The following LAMA5 variants were observed in gnomAD, a reference collection of about 807,000 sequenced individuals.
LAMA5 encodes laminin subunit alpha-5.
A neutral mutation model predicts 433.4 loss-of-function variants in LAMA5; 260 were observed. The observed-to-expected ratio is 0.60, with a 90% CI of 0.54 to 0.66. The LOEUF (loss-of-function observed/expected upper bound fraction) is 0.66. Ranked by LOEUF, LAMA5 falls within the 30% of genes least tolerant of loss-of-function variation. The pLI, the probability that LAMA5 is intolerant of heterozygous loss-of-function variation, is 0.00. For missense variants in LAMA5, 5,378 were observed against 5,258.5 expected, an observed-to-expected ratio of 1.02 and a Z score of -0.70; for synonymous variants, 2,620 against 2,226.6, an observed-to-expected ratio of 1.18 and a Z score of -4.97.
Position 62,333,361 on chromosome 20 carries a change from C to G in LAMA5, c.3128+14G>C, listed in dbSNP as rs371939877. On this transcript the variant is annotated intron_variant, in intron 25 of 79. Transcript: ENST00000252999. ...AAGCCCCCACCCCGGTCCCACCGCACGCATGGCCCTCACTTGTCGCCAGAC... is the reference window on the plus strand; with the variant it reads ...AAGCCCCCACCCCGGTCCCACCGCAGGCATGGCCCTCACTTGTCGCCAGAC... 3 of 1,607,610 alleles carry G rather than the reference C, an allele frequency of 1.9e-6. No individual in the cohort carries two copies. The highest frequency in any genetic ancestry group is 2.5e-6 in the Non-Finnish European group (3 of 1,178,692).
chr20:62,334,948 C>T (rs977886818), intron 20 of LAMA5, 73 bp downstream of exon 20: 38 of 1,422,962 alleles, frequency 2.7e-5, no homozygotes, highest in Middle Eastern at 1.8e-4. Context: ...CTTGTCCCTC[C>T]GGGCCTTGGG....
chr20:62,364,513 G>C (rs1182954241), intron 1 of LAMA5, among the ~76,000 whole-genome samples: 1 of 152,240 alleles, frequency 6.6e-6, no homozygotes, highest in South Asian at 2.1e-4. Flanking sequence ...GCCACTCACT[G>C]AGCCACAGAG....
chr20:62,322,814 C>G, intron 45 of LAMA5, 56 bp from the exon 46 acceptor site: 1 of 1,149,570 alleles, frequency 8.7e-7, no homozygotes, highest in Non-Finnish European at 1.2e-6. Context: ...CCAGGGAGCC[C>G]CTAGGCACCC....
chr20:62,362,231 G>A (rs1986210072), intron 2 of LAMA5, among the ~76,000 whole-genome samples, 169 bp downstream of exon 2: 1 of 152,224 alleles, frequency 6.6e-6, no homozygotes, highest in African/African-American at 2.4e-5. Flanking sequence ...CCACTGCCGT[G>A]CCTTTGTCCC....
intron 31 of LAMA5, 151 bp downstream of exon 31, chr20:62,330,337 G>A (rs1437573406): frequency 6.0e-6 from 7 of 1,166,700 alleles, no homozygotes; most frequent in Non-Finnish European, 7.0e-6. Flanking sequence ...TAGGGGCTGC[G>A]GGCTGCAAGG....
Position 62,338,129 on chromosome 20 carries a change from C to A in LAMA5, c.1778G>T (p.Gly593Val). ...CTCATCGCAGCCCTCGGGCAAGGTT[C>A]CTGCAGGGCTGCAGCCACACACTGC... ...LCQLCGCSPAGTLPEGCDEAG... is the reference protein window; with the variant it reads ...LCQLCGCSPAVTLPEGCDEAG... The change falls in exon 14 of 80, where the codon GGA (glycine) becomes GTA (valine). Residue 593 changes from glycine to valine, a missense_variant. Gly to Val is a moderately radical substitution (Grantham distance 109). Coordinates refer to ENST00000252999, the MANE Select transcript of LAMA5 (RefSeq NM_005560.6). 3 of 1,590,226 alleles carry A rather than the reference C, an allele frequency of 1.9e-6. No homozygotes were observed. Among genetic ancestry groups the A allele is most frequent in the Admixed American group, 1.7e-5 (1 of 58,250 alleles).
rs747134895 is a variant in LAMA5 at position 62,325,340 on chromosome 20, G to A, written c.5505C>T (p.Ala1835=). Residue 1835 remains alanine (A), a synonymous_variant, in exon 41 of 80, where the codon GCC becomes GCT. Coordinates refer to ENST00000252999, the MANE Select transcript of LAMA5 (RefSeq NM_005560.6). ...CCTGGCATGAGTCCCCCCGGTAGCT[G>A]GCGGGGCACAGGCACAGCTCCACAT... ...ASNVELCLCP[A]SYRGDSCQEC... is the part of the protein sequence containing the mutation. 2.5e-6 allele frequency: 4 copies of A among 1,595,060 alleles called. No individual in the cohort carries two copies. The Admixed American group carries it at 6.8e-5, about 27-fold the overall frequency.
Position 62,314,328 on chromosome 20 carries a change from T to C in LAMA5, c.8480A>G (p.Gln2827Arg), listed in dbSNP as rs1168649947. 3 of 1,613,142 alleles carry C rather than the reference T, an allele frequency of 1.9e-6. No homozygotes were observed. Among genetic ancestry groups the C allele is most frequent in the Admixed American group, 1.7e-5 (1 of 59,978 alleles). Residue 2827 changes from glutamine to arginine, a missense_variant, in exon 62 of 80, where the codon CAG (glutamine) becomes CGG (arginine). By Grantham distance (43) the Gln-to-Arg change is conservative. Coordinates refer to ENST00000252999, the MANE Select transcript of LAMA5 (RefSeq NM_005560.6). ...CCTGTCCAGGCTGACAGCTGCGAACTGCTCCCCAATGTCCTCATCGATGCT... is the reference window on the plus strand; with the variant it reads ...CCTGTCCAGGCTGACAGCTGCGAACCGCTCCCCAATGTCCTCATCGATGCT... ...VLSIDEDIGE[Q>R]FAAVSLDRTL...
rs769745384 is a variant in LAMA5 at position 62,327,625 on chromosome 20, G to A, written c.4842C>T (p.Thr1614=). ...TGGGGTTGGCAGCATCCAGTGAGAA[G>A]GTCCCAAGGCTGCACTGGTCACATT... is the stretch of plus-strand genomic sequence containing the variant. ...GPKCDQCSLG[T]FSLDAANPKG... is the part of the protein sequence containing the mutation. Residue 1614 remains threonine (T), a synonymous_variant, in exon 37 of 80, where the codon ACC becomes ACT. Coordinates refer to ENST00000252999, the MANE Select transcript of LAMA5 (RefSeq NM_005560.6). The A allele has an allele frequency of 2.2e-5, 36 of 1,613,050 alleles. No individual in the cohort carries two copies. Among genetic ancestry groups the A allele is most frequent in the Non-Finnish European group, 3.0e-5 (35 of 1,180,014 alleles).
rs1471381193 is a variant in LAMA5, at chr20:62,328,463, G to C, written c.4448-18C>G. 4 of 1,473,002 alleles carry C rather than the reference G, an allele frequency of 2.7e-6. No homozygotes were observed. In the Admixed American group the frequency reaches 7.3e-5, roughly 27 times the overall value. The allele number at this position is 1,473,002 out of a possible 1,614,324, so 91.2% of individuals were successfully genotyped here. A position where few individuals can be genotyped will look rare whatever the true frequency, so the allele number is the denominator to read the frequency against. On this transcript the variant is annotated intron_variant, in intron 34 of 79. Coordinates refer to ENST00000252999, the MANE Select transcript of LAMA5 (RefSeq NM_005560.6). The stretch of plus-strand genomic sequence containing the variant: ...GTCACAGGCTGTGGGGCGGGTACAG[G>C]GTTTACTGACCCCTCTTCCCAGTCC...
rs147597720 is a variant in LAMA5 at position 62,326,707 on chromosome 20, G to A, written c.5268C>T (p.His1756=). The A allele has an allele frequency of 2.4e-4, 389 of 1,612,824 alleles. 1 individual carries two copies. Among genetic ancestry groups the A allele is most frequent in the South Asian group, 3.5e-4 (32 of 91,080 alleles). Residue 1756 remains histidine, a synonymous_variant, in exon 40 of 80, where the codon CAC becomes CAT. Coordinates refer to ENST00000252999, the MANE Select transcript of LAMA5 (RefSeq NM_005560.6). ...FLEPAYPTPG[H]VHRGQLQLVE... is the part of the protein sequence containing the mutation. ...CCAGCTGCAGCTGCCCACGGTGAAC[G>A]TGGCCAGGCGTGGGGTATGCCGGCT...
intron 28 of LAMA5, among the ~76,000 whole-genome samples, 188 bp downstream of exon 28, chr20:62,332,184 C>T (rs981397913): frequency 3.9e-5 from 6 of 152,142 alleles, no homozygotes; most frequent in Admixed American, 2.6e-4. Context: ...CTCGGGGGTA[C>T]GTCAAAAGGG....
At chr20:62,354,835 T>G (rs1015536206) in intron 2 of LAMA5, among the ~76,000 whole-genome samples, 1 of 151,868 alleles carries the variant, frequency 6.6e-6, no homozygotes, top group African/African-American at 2.4e-5. Flanking sequence ...CAAGGGAGGG[T>G]GAGCCCCTCC....
intron 31 of LAMA5, among the ~76,000 whole-genome samples, chr20:62,330,279 C>T (rs908719917): frequency 9.9e-5 from 15 of 152,250 alleles, no homozygotes; most frequent in African/African-American, 2.4e-4. Flanking sequence ...TCCCAACGCA[C>T]GAGACAGAGG....
chr20:62,332,845 T>C (rs1285809136), intron 26 of LAMA5, 128 bp from the exon 27 acceptor site: 1 of 1,225,046 alleles, frequency 8.2e-7, no homozygotes, highest in African/African-American at 1.6e-5. Flanking sequence ...GGCCCGGACA[T>C]CTCCAGGCAA....
chr20:62,324,073 G>A lies in LAMA5; in HGVS notation c.5768+7C>T, dbSNP rs757494432. 1 of 1,505,234 alleles carries A rather than the reference G, an allele frequency of 6.6e-7. No individual in the cohort carries two copies. The highest frequency in any genetic ancestry group is 8.9e-7 in the Non-Finnish European group (1 of 1,129,788). The allele number at this position is 1,505,234 out of a possible 1,614,324, so 93.2% of individuals were successfully genotyped here. On this transcript the variant is annotated splice_region_variant and intron_variant, in intron 43 of 79. Transcript: ENST00000252999. The surrounding 1 kb of genome is among the most constrained non-coding windows in gnomAD (Gnocchi z 4.4). ...CAGGGCCTCGTCCCGGGAGGAGGCTGGCTTACTTGTTGGAAGGCACTGAGA... is the reference window on the plus strand; with the variant it reads ...CAGGGCCTCGTCCCGGGAGGAGGCTAGCTTACTTGTTGGAAGGCACTGAGA...
At position 62,314,451 on chromosome 20, in the gene LAMA5, G is replaced by A. The variant is rs1568899447; in HGVS notation, c.8368-11C>T. ...GTAGTCCCCAGTGGCCTGCGGCAGT[G>A]ACAGACACACAGTCGGGATGGGGAC... On this transcript the variant is annotated splice_polypyrimidine_tract_variant and intron_variant, in intron 61 of 79. Coordinates refer to ENST00000252999, the MANE Select transcript of LAMA5 (RefSeq NM_005560.6). 1 of 1,613,056 alleles carries A rather than the reference G, an allele frequency of 6.2e-7. No homozygotes were observed. Among genetic ancestry groups the A allele is most frequent in the South Asian group, 1.1e-5 (1 of 91,074 alleles).
intron 55 of LAMA5, 109 bp from the exon 56 acceptor site, chr20:62,317,132 C>T: frequency 7.6e-7 from 1 of 1,323,500 alleles, no homozygotes; most frequent in Non-Finnish European, 1.0e-6. Context: ...CCCGCCAAGT[C>T]CCGCCTCCAG....
chr20:62,345,657 C>A, intron 11 of LAMA5, 161 bp downstream of exon 11: 1 of 645,326 alleles, frequency 1.5e-6, no homozygotes, highest in South Asian at 1.8e-5. Flanking sequence ...CCTATATTTC[C>A]GAAGGTTTTC....
Sources: gnomAD v4.1 joint callset for allele counts (sites outside exome capture counted in the v4.1 genomes callset) on GRCh38, gnomAD v4.1.1 for gene constraint, Gnocchi (gnomAD v3.1) non-coding constraint, MANE v1.5 for transcripts, NCBI Gene and HGNC (gene_info 2026-07-23, HGNC 2026-07-21) for gene names.